LRP2: variants seen among roughly 807,000 people sequenced by gnomAD.
LRP2 encodes low-density lipoprotein receptor-related protein 2.
Under a neutral mutation model 531.0 loss-of-function variants are expected in LRP2, and 172 were observed. That is an observed-to-expected ratio of 0.32 (90% confidence interval 0.29 to 0.37). The LOEUF is 0.37. LRP2 is among the 10% of genes least tolerant of loss of function. LRP2 has a pLI of 1.00. For missense variants in LRP2, 5,167 were observed against 5,868.3 expected (o/e 0.88, Z 3.90); for synonymous variants, 1,992 against 2,027.6 (o/e 0.98, Z 0.47).
chr2:169,260,091 C>T (rs1690485978), intron 16 of LRP2, among the ~76,000 whole-genome samples: 1 of 152,056 alleles, frequency 6.6e-6, no homozygotes, highest in African/African-American at 2.4e-5. Context: ...ATCAAGTAGG[C>T]ATTAGTATCG....
intron 28 of LRP2, among the ~76,000 whole-genome samples, chr2:169,236,340 CAA>C (rs1415507683): frequency 6.6e-6 from 1 of 152,064 alleles, no homozygotes; most frequent in African/African-American, 2.4e-5. Context: ...TGAAATGTCT[CAA>C]TGCCAATTCA....
At position 169,132,598 on chromosome 2, in the gene LRP2, A is replaced by G; in HGVS notation, c.13704T>C (p.Thr4568=). The G allele has an allele frequency of 6.2e-7, 1 of 1,608,264 alleles. No homozygotes were observed. Among genetic ancestry groups the G allele is most frequent in the Non-Finnish European group, 8.5e-7 (1 of 1,174,628 alleles). ...CCTGAGTTCCATCAGCAGCTGGTGA[A>G]GTTGGGTTTGTCTCTGGAACTATCT... The part of the protein sequence containing the change: ...PSEIVPETNP[T]SPAADGTQVT... The change falls in exon 77 of 79, where the codon ACT becomes ACC. Residue 4568 remains threonine (T), a synonymous_variant. Coordinates refer to ENST00000649046, the MANE Select transcript of LRP2 (RefSeq NM_004525.3).
chr2:169,224,542 T>G (rs890119990), intron 33 of LRP2, among the ~76,000 whole-genome samples: 4 of 152,198 alleles, frequency 2.6e-5, no homozygotes, highest in African/African-American at 9.7e-5. Context: ...ACTGGAGCCA[T>G]AGAAAGATTT....
At chr2:169,163,540 A>G (rs1464675428) in intron 62 of LRP2, among the ~76,000 whole-genome samples, 1 of 152,236 alleles carries the variant, frequency 6.6e-6, no homozygotes, top group Non-Finnish European at 1.5e-5. Context: ...ACAGAACTCT[A>G]TGAAGGAAAG....
intron 1 of LRP2, among the ~76,000 whole-genome samples, chr2:169,337,127 G>A (rs1268733830): frequency 6.6e-6 from 1 of 152,038 alleles, no homozygotes; most frequent in African/African-American, 2.4e-5. Flanking sequence ...CATGGCTCAC[G>A]ACCCTGACCC....
chr2:169,144,311 G>A (rs1056707399), intron 70 of LRP2, among the ~76,000 whole-genome samples: 2 of 152,196 alleles, frequency 1.3e-5, no homozygotes, highest in African/African-American at 2.4e-5. Context: ...AGATAATTCT[G>A]AGGCATGCTC....
chr2:169,281,678 A>G (rs1410766903), intron 10 of LRP2, among the ~76,000 whole-genome samples: 1 of 152,108 alleles, frequency 6.6e-6, no homozygotes, highest in African/African-American at 2.4e-5. Context: ...AGATGGCGCC[A>G]CTGCACTCCA....
At chr2:169,226,249 C>G (rs879332328) in intron 32 of LRP2, among the ~76,000 whole-genome samples, 173 bp downstream of exon 32, 21 of 151,998 alleles carry the variant, frequency 1.4e-4, no homozygotes, top group Non-Finnish European at 2.6e-4. Context: ...GATTTTTGCT[C>G]CAGGCCAAGC....
chr2:169,150,776 A>G, intron 68 of LRP2, 122 bp downstream of exon 68: 2 of 1,130,576 alleles, frequency 1.8e-6, no homozygotes, highest in Non-Finnish European at 2.6e-6. Flanking sequence ...CATAGACGCT[A>G]CTCCCAAAAA....
Position 169,259,174 on chromosome 2 carries a change from A to G in LRP2, c.2364T>C (p.Ser788=). The part of the protein sequence containing the change: ...LAANRVENVE[S]LAFDWISKNL... ...TCTTTGAAATCCAATCAAAAGCCAA[A>G]CTTTCAACATTTTCCACCCTGTTAG... The change falls in exon 17 of 79, where the codon AGT becomes AGC. Residue 788 remains serine (S), a synonymous_variant. Transcript: ENST00000649046. The G allele has an allele frequency of 6.2e-7, 1 of 1,613,374 alleles. No homozygotes were observed.
chr2:169,320,968 A>AT, intron 1 of LRP2, 84 bp from the exon 2 acceptor site: 1 of 925,930 alleles, frequency 1.1e-6, no homozygotes, highest in Non-Finnish European at 1.8e-6. Context: ...AAAATGAAAA[A>AT]TTATTCAACT....
chr2:169,171,756 A>G (rs1468567260), intron 58 of LRP2, among the ~76,000 whole-genome samples: 1 of 152,210 alleles, frequency 6.6e-6, no homozygotes, highest in African/African-American at 2.4e-5. Context: ...TTGGATGTAA[A>G]TAAATTCAAC....
chr2:169,307,476 T>C (rs1684456575), intron 3 of LRP2, 79 bp from the exon 4 acceptor site: 2 of 897,342 alleles, frequency 2.2e-6, no homozygotes, highest in South Asian at 2.7e-5. Flanking sequence ...ACAAGGATAT[T>C]GGAAAGCATA....
At position 169,345,879 on chromosome 2, in the gene LRP2, A is replaced by G. The variant is rs111594175; in HGVS notation, c.79+16442T>C. Among the ~76,000 whole-genome samples, 731 of 152,280 alleles carry G rather than the reference A, an allele frequency of 4.8e-3. 6 individuals carry two copies. The highest frequency in any genetic ancestry group is 0.015 in the African/African-American group (632 of 41,544). On this transcript the variant is annotated intron_variant, in intron 1 of 78. Coordinates refer to ENST00000649046, the MANE Select transcript of LRP2 (RefSeq NM_004525.3). ...CTCCAAAAACAAAACAAAACAAAAC[A>G]AAACAAAAGTCAATTGTCTTTGATC... is the stretch of plus-strand genomic sequence containing the variant.
intron 63 of LRP2, 48 bp from the exon 64 acceptor site, chr2:169,157,550 C>G (rs764227844): frequency 1.2e-6 from 2 of 1,605,952 alleles, no homozygotes; most frequent in Non-Finnish European, 1.7e-6. Context: ...CCACAAATAA[C>G]AGTCAAGTGG....
In LRP2 at chr2:169,187,961, T is replaced by G. The variant is rs1687690434; in HGVS notation, c.9328+9A>C. 6.2e-7 allele frequency: 1 copy of G among 1,613,990 alleles called. No individual in the cohort carries two copies. Among genetic ancestry groups the G allele is most frequent in the Non-Finnish European group, 8.5e-7 (1 of 1,179,892 alleles). ...TGTTTCCTTTTCCCAAATCCTCTGT[T>G]GTACTCACCACAGCCTTTCTCATCG... On this transcript the variant is annotated intron_variant, in intron 49 of 78. Coordinates refer to ENST00000649046, the MANE Select transcript of LRP2 (RefSeq NM_004525.3).
chr2:169,140,324 G>A (rs1371871575), intron 72 of LRP2, 131 bp downstream of exon 72: 3 of 744,892 alleles, frequency 4.0e-6, no homozygotes, highest in African/African-American at 3.4e-5. Context: ...TCAAGGGAAG[G>A]CAAGCTGGTT....
At chr2:169,254,807 G>A (rs1039214966) in intron 19 of LRP2, among the ~76,000 whole-genome samples, 1 of 151,880 alleles carries the variant, frequency 6.6e-6, no homozygotes, top group African/African-American at 2.4e-5. Flanking sequence ...CCAGCCCAGA[G>A]CAGAGAAAAT....
Position 169,196,970 on chromosome 2 carries a change from T to C in LRP2, c.8639A>G (p.His2880Arg), listed in dbSNP as rs564056497. 4.3e-6 allele frequency: 7 copies of C among 1,614,132 alleles called. No homozygotes were observed. Among genetic ancestry groups the C allele is most frequent in the East Asian group, 2.2e-5 (1 of 44,878 alleles). The change falls in exon 46 of 79, where the codon CAT (histidine) becomes CGT (arginine). Residue 2880 changes from histidine (H) to arginine (R), a missense_variant. By Grantham distance (29) the His-to-Arg change is conservative. Transcript: ENST00000649046. ...QCASGRCIPQ[H>R]WYCDQETDCF... The stretch of plus-strand genomic sequence containing the variant: ...ATCTGTTTCTTGATCACAATACCAA[T>C]GTTGAGGAATACAGCGCCCAGATGC...
Sources: allele counts gnomAD v4.1 joint callset (sites outside exome capture counted in the v4.1 genomes callset), GRCh38; gene constraint gnomAD v4.1.1; transcripts MANE v1.5; gene names NCBI Gene and HGNC (gene_info 2026-07-23, HGNC 2026-07-21).